LDLRAD3: variants seen among roughly 807,000 people sequenced by gnomAD.
LDLRAD3 encodes the protein low-density lipoprotein receptor class A domain-containing protein 3.
A neutral mutation model predicts 29.4 loss-of-function variants in LDLRAD3; 20 were observed. That is an observed-to-expected ratio of 0.68 (90% CI 0.48 to 0.99). LDLRAD3 has a LOEUF of 0.99. LDLRAD3 is among the 50% of genes least tolerant of loss of function. The probability of loss-of-function intolerance (pLI) is 0.00; values close to 1 mark genes in which losing one functional copy is unlikely to be tolerated. For synonymous variants in LDLRAD3, 157 were observed against 192.7 expected (o/e 0.81, Z 1.53); for missense variants, 420 against 454.3 (o/e 0.92, Z 0.69).
At chr11:35,988,176 G>A (rs1189456222) in intron 1 of LDLRAD3, among the ~76,000 whole-genome samples, 3 of 152,040 alleles carry the variant, frequency 2.0e-5, no homozygotes, top group African/African-American at 7.2e-5. Flanking sequence ...TCCCATCTTA[G>A]CCTCCCAATT....
At chr11:35,954,337 T>C (rs1385096302) in intron 1 of LDLRAD3, among the ~76,000 whole-genome samples, 2 of 152,198 alleles carry the variant, frequency 1.3e-5, no homozygotes, top group African/African-American at 4.8e-5. Flanking sequence ...AAATGTGACT[T>C]GGCAACAATC....
chr11:36,038,225 G>T (rs1399554132), intron 2 of LDLRAD3, among the ~76,000 whole-genome samples: 1 of 152,134 alleles, frequency 6.6e-6, no homozygotes, highest in African/African-American at 2.4e-5. Flanking sequence ...TTTTTTAAAA[G>T]TATTATTATG....
chr11:35,981,980 T>C (rs942241950), intron 1 of LDLRAD3, among the ~76,000 whole-genome samples: 1 of 152,184 alleles, frequency 6.6e-6, no homozygotes, highest in African/African-American at 2.4e-5. Context: ...TCACCAGTGT[T>C]GTTTCCTCGG....
chr11:36,187,817 T>A (rs912773466), intron 4 of LDLRAD3, among the ~76,000 whole-genome samples: 1 of 152,218 alleles, frequency 6.6e-6, no homozygotes, highest in Non-Finnish European at 1.5e-5. Context: ...ATTTATATGA[T>A]TACTGGAGAC....
intron 3 of LDLRAD3, among the ~76,000 whole-genome samples, chr11:36,082,036 T>C (rs1431844042): frequency 6.6e-6 from 1 of 152,242 alleles, no homozygotes; most frequent in Non-Finnish European, 1.5e-5. Context: ...CAAATGCAGA[T>C]GTATTATCCT....
chr11:36,204,263 G>T (rs1168531743), intron 4 of LDLRAD3, among the ~76,000 whole-genome samples: 1 of 152,128 alleles, frequency 6.6e-6, no homozygotes, highest in Admixed American at 6.5e-5. Flanking sequence ...TAGCAAGGGG[G>T]TCAGGTCCAA....
At chr11:36,203,231 GT>G (rs1247644889) in intron 4 of LDLRAD3, among the ~76,000 whole-genome samples, 1 of 152,116 alleles carries the variant, frequency 6.6e-6, no homozygotes, top group Non-Finnish European at 1.5e-5. Flanking sequence ...GCCTCCAAAA[GT>G]GCTGAGATTA....
intron 4 of LDLRAD3, among the ~76,000 whole-genome samples, chr11:36,144,119 CGG>C: frequency 6.6e-6 from 1 of 152,106 alleles, no homozygotes; most frequent in African/African-American, 2.4e-5. Flanking sequence ...TTGGTGGAGA[CGG>C]GGTTTCGCTG....
intron 4 of LDLRAD3, among the ~76,000 whole-genome samples, chr11:36,156,942 T>C (rs1033639973): frequency 1.3e-5 from 2 of 152,246 alleles, no homozygotes; most frequent in Non-Finnish European, 2.9e-5. Context: ...AATATTTTTC[T>C]CCACACAAAG....
intron 1 of LDLRAD3, among the ~76,000 whole-genome samples, chr11:36,027,825 G>C (rs1207649030): frequency 6.6e-6 from 1 of 152,182 alleles, no homozygotes; most frequent in Non-Finnish European, 1.5e-5. Context: ...GTGCAGAGTC[G>C]ATTGGCTCTC....
chr11:36,018,065 G>A (rs1852046278), intron 1 of LDLRAD3, among the ~76,000 whole-genome samples: 1 of 152,200 alleles, frequency 6.6e-6, no homozygotes, highest in African/African-American at 2.4e-5. Flanking sequence ...GCACAAACGA[G>A]ATTAATTTTT....
chr11:36,020,684 G>C (rs1378123239), intron 1 of LDLRAD3, among the ~76,000 whole-genome samples: 3 of 152,146 alleles, frequency 2.0e-5, no homozygotes, highest in Non-Finnish European at 2.9e-5. Flanking sequence ...TATGTTGAGA[G>C]GTCTGAGTGG....
At chr11:36,188,771 G>A (rs542359367) in intron 4 of LDLRAD3, among the ~76,000 whole-genome samples, 1 of 152,258 alleles carries the variant, frequency 6.6e-6, no homozygotes, top group Admixed American at 6.5e-5. Flanking sequence ...CAGGGATTTA[G>A]CATAAGTCAA....
chr11:36,186,564 A>G (rs1854852641), intron 4 of LDLRAD3, among the ~76,000 whole-genome samples: 1 of 152,232 alleles, frequency 6.6e-6, no homozygotes, highest in Admixed American at 6.5e-5. Context: ...GCCAAGAGAC[A>G]TGTGAGTTAC....
At chr11:35,945,069 G>C (rs1851039647) in intron 1 of LDLRAD3, among the ~76,000 whole-genome samples, 1 of 152,234 alleles carries the variant, frequency 6.6e-6, no homozygotes. Flanking sequence ...TTGGCCCCTT[G>C]ACGTTTATTT....
rs1310386773 is a variant in LDLRAD3 at position 36,227,335 on chromosome 11, C to T, written c.705C>T (p.Val235=). The T allele has an allele frequency of 6.2e-7, 1 of 1,614,046 alleles. No individual in the cohort carries two copies. Among genetic ancestry groups the T allele is most frequent in the Non-Finnish European group, 8.5e-7 (1 of 1,180,030 alleles). ...ACCACTGCAACGTCACCTACAACGT[C>T]AATAATGGCATCCAGTATGTGGCCA... ...HPHHCNVTYN[V]NNGIQYVASQ... is the part of the protein sequence containing the mutation. The change falls in exon 5 of 6, where the codon GTC becomes GTT. Residue 235 remains valine (V), a synonymous_variant. Transcript: ENST00000315571.
Position 36,143,960 on chromosome 11 carries a change from G to C in LDLRAD3, c.454+45499G>C, listed in dbSNP as rs368041103. On this transcript the variant is annotated intron_variant, in intron 4 of 5. Transcript: ENST00000315571. The stretch of plus-strand genomic sequence containing the variant: ...CCCCTCCCCCTCCCTCTCTTGCCAC[G>C]GTCTCCCTCTGATGCCGAGCCGAAG... 6.4e-4 allele frequency among the ~76,000 whole-genome samples: 60 copies of C among 93,390 alleles called. No individual in the cohort carries two copies. The East Asian group carries it at 0.02, about 31-fold the overall frequency. The allele number at this position is 93,390 out of a possible 152,430, so 61.3% of individuals were successfully genotyped here.
chr11:36,016,843 G>T (rs553823622), intron 1 of LDLRAD3, among the ~76,000 whole-genome samples: 1 of 152,144 alleles, frequency 6.6e-6, no homozygotes, highest in African/African-American at 2.4e-5. Context: ...CTATTCTTCC[G>T]TGTCAGTACG....
chr11:35,974,375 CCT>C (rs1310362726), intron 1 of LDLRAD3, among the ~76,000 whole-genome samples: 2 of 152,078 alleles, frequency 1.3e-5, no homozygotes, highest in Non-Finnish European at 2.9e-5. Context: ...ACTGACTTGA[CCT>C]CTCTTCTGTT....
Sources: allele counts gnomAD v4.1 joint callset (sites outside exome capture counted in the v4.1 genomes callset), GRCh38; gene constraint gnomAD v4.1.1; transcripts MANE v1.5; gene names NCBI Gene and HGNC (gene_info 2026-07-23, HGNC 2026-07-21).